The following SIPA1L3 variants were observed in gnomAD, a reference collection of about 807,000 sequenced individuals.
SIPA1L3 encodes signal-induced proliferation-associated 1-like protein 3.
Under a neutral mutation model 150.1 loss-of-function variants are expected in SIPA1L3, and 59 were observed. The observed-to-expected ratio is 0.39, with a 90% confidence interval of 0.32 to 0.49. The LOEUF (loss-of-function observed/expected upper bound fraction) is 0.49. SIPA1L3 is among the 20% of genes least tolerant of loss of function. The probability of loss-of-function intolerance (pLI) is 0.86; values close to 1 mark genes in which losing one functional copy is unlikely to be tolerated. For missense variants in SIPA1L3, 2,211 were observed against 2,489.5 expected, an observed-to-expected ratio of 0.89 and a Z score of 2.38; for synonymous variants, 1,070 against 1,077.6, an observed-to-expected ratio of 0.99 and a Z score of 0.14.
intron 15 of SIPA1L3, among the ~76,000 whole-genome samples, chr19:38,167,784 C>T (rs1972242850): frequency 6.6e-6 from 1 of 152,066 alleles, no homozygotes; most frequent in Non-Finnish European, 1.5e-5. Flanking sequence ...AGGTTGGTCT[C>T]GAACTCCTGG....
chr19:37,955,600 A>T (rs1371040980), intron 1 of SIPA1L3, among the ~76,000 whole-genome samples: 1 of 152,156 alleles, frequency 6.6e-6, no homozygotes, highest in African/African-American at 2.4e-5. Context: ...TTTCCTGAAC[A>T]TTTCAAATAC....
chr19:38,169,151 G>A (rs1219877761), intron 15 of SIPA1L3, among the ~76,000 whole-genome samples: 1 of 152,162 alleles, frequency 6.6e-6, no homozygotes, highest in Non-Finnish European at 1.5e-5. Flanking sequence ...CACTCTGGGA[G>A]GCCAAGGCAG....
chr19:37,951,056 C>T (rs981120819), intron 1 of SIPA1L3, among the ~76,000 whole-genome samples: 6 of 152,238 alleles, frequency 3.9e-5, no homozygotes, highest in Admixed American at 6.5e-5. Context: ...TCCTCCATCC[C>T]GTCCGTTCAC....
intron 1 of SIPA1L3, among the ~76,000 whole-genome samples, chr19:37,914,944 T>A (rs1846095848): frequency 6.6e-6 from 1 of 152,134 alleles, no homozygotes; most frequent in African/African-American, 2.4e-5. Flanking sequence ...TCAAACTCAT[T>A]TTACAGATGA....
intron 1 of SIPA1L3, among the ~76,000 whole-genome samples, chr19:37,958,744 TA>T (rs1298093418): frequency 2.0e-5 from 3 of 152,060 alleles, no homozygotes; most frequent in Non-Finnish European, 4.4e-5. Context: ...ATCAAGAACA[TA>T]AAAAGACAAA....
chr19:38,056,894 C>CA (rs1969329636), intron 2 of SIPA1L3, among the ~76,000 whole-genome samples: 1 of 152,076 alleles, frequency 6.6e-6, no homozygotes, highest in South Asian at 2.1e-4. Flanking sequence ...CTCCTCTCTA[C>CA]AAAAAATTTA....
Position 38,193,648 on chromosome 19 carries a change from G to A in SIPA1L3, c.4708G>A (p.Asp1570Asn), listed in dbSNP as rs761129772. The change falls in exon 18 of 22, where the codon GAC (aspartate) becomes AAC (asparagine). Residue 1570 changes from aspartate to asparagine, a missense_variant. Physicochemically the swap from Asp to Asn is conservative, Grantham distance 23. Transcript: ENST00000222345. ...PAGLEPGLPS[D>N]VLFTSTCAFP... Reference sequence around the variant, plus strand: ...TGGCCTAGAGCCAGGGCTGCCCAGCGACGTGCTCTTCACCAGCACCTGCGC... The same window carrying A: ...TGGCCTAGAGCCAGGGCTGCCCAGCAACGTGCTCTTCACCAGCACCTGCGC... The A allele has an allele frequency of 3.2e-6, 5 of 1,579,064 alleles. No homozygotes were observed. The highest frequency in any genetic ancestry group is 1.8e-4 in the Middle Eastern group (1 of 5,578).
intron 10 of SIPA1L3, among the ~76,000 whole-genome samples, chr19:38,140,361 C>A (rs980119265): frequency 6.6e-6 from 1 of 150,994 alleles, no homozygotes; most frequent in African/African-American, 2.4e-5. Context: ...AGTCACAGGT[C>A]TCTCTGCATC....
chr19:37,927,706 C>T (rs1203625733), intron 1 of SIPA1L3, among the ~76,000 whole-genome samples: 1 of 147,344 alleles, frequency 6.8e-6, no homozygotes, highest in African/African-American at 2.5e-5. Flanking sequence ...CAATGTTTAG[C>T]TCTCACTTGT....
intron 12 of SIPA1L3, among the ~76,000 whole-genome samples, chr19:38,151,579 C>T (rs1384415374): frequency 6.6e-6 from 1 of 152,178 alleles, no homozygotes; most frequent in Non-Finnish European, 1.5e-5. Context: ...CAACCTCAGA[C>T]AGGGAGAAGA....
intron 17 of SIPA1L3, among the ~76,000 whole-genome samples, chr19:38,193,009 T>C (rs544872276): frequency 6.6e-6 from 1 of 151,128 alleles, no homozygotes; most frequent in African/African-American, 2.4e-5. Flanking sequence ...GGTTGGGGAG[T>C]GGGAGTCCCT....
chr19:38,005,039 A>ACCGGAGGATGTCTCCCT (rs1967906669), intron 1 of SIPA1L3, among the ~76,000 whole-genome samples: 1 of 151,970 alleles, frequency 6.6e-6, no homozygotes, highest in Non-Finnish European at 1.5e-5. Context: ...CTCCGGACTA[A>ACCGGAGGATGTCTCCCT]CCGGGGCCGA....
chr19:38,155,461 C>T (rs1458244296), intron 13 of SIPA1L3, among the ~76,000 whole-genome samples: 1 of 152,138 alleles, frequency 6.6e-6, no homozygotes, highest in Non-Finnish European at 1.5e-5. Context: ...ATGTGTCTTC[C>T]CCATTATTAA....
chr19:37,984,226 A>G (rs1203490906), intron 1 of SIPA1L3, among the ~76,000 whole-genome samples: 1 of 152,212 alleles, frequency 6.6e-6, no homozygotes, highest in Non-Finnish European at 1.5e-5. Context: ...AAGTAACACC[A>G]AGCACAGTCA....
In SIPA1L3 at chr19:38,182,648, C is replaced by T; in HGVS notation, c.4338C>T (p.Phe1446=). Residue 1446 remains phenylalanine, a synonymous_variant, in exon 16 of 22, where the codon TTC becomes TTT. Transcript: ENST00000222345. ...CCGCCTCCGTCCCCAAGTCCTTCTTCTCCAAGCAGCCTGTACGCAATAAGC... is the reference window on the plus strand; with the variant it reads ...CCGCCTCCGTCCCCAAGTCCTTCTTTTCCAAGCAGCCTGTACGCAATAAGC... ...QLSASVPKSF[F]SKQPVRNKHP... is the part of the protein sequence containing the mutation. The T allele has an allele frequency of 6.2e-7, 1 of 1,614,220 alleles. No homozygotes were observed. Among genetic ancestry groups the T allele is most frequent in the Non-Finnish European group, 8.5e-7 (1 of 1,180,020 alleles).
At chr19:37,922,633 T>A (rs781726170) in intron 1 of SIPA1L3, among the ~76,000 whole-genome samples, 13 of 151,290 alleles carry the variant, frequency 8.6e-5, no homozygotes, top group Non-Finnish European at 1.8e-4. Context: ...GACCTCTTGA[T>A]CAGCCTGCCT....
chr19:38,082,914 G>T lies in SIPA1L3; in HGVS notation c.1349G>T (p.Gly450Val), dbSNP rs1311297605. Residue 450 changes from glycine (G) to valine (V), a missense_variant, in exon 3 of 22, where the codon GGC becomes GTC. Around this residue, in one of 5 missense-constraint regions of SIPA1L3, gnomAD observed 587 missense variants for 534.5 expected, o/e 1.10. Transcript: ENST00000222345. ...RNVSFSRASV[G>V]SPSSGEGHLA... ...GTGAGCTTCTCCCGGGCTTCCGTGGGCTCCCCGAGCAGCGGCGAGGGCCAC... is the reference window on the plus strand; with the variant it reads ...GTGAGCTTCTCCCGGGCTTCCGTGGTCTCCCCGAGCAGCGGCGAGGGCCAC... The T allele has an allele frequency of 3.1e-6, 5 of 1,613,032 alleles. No homozygotes were observed. In the East Asian group the frequency reaches 6.7e-5, roughly 22 times the overall value.
At position 38,193,796 on chromosome 19, in the gene SIPA1L3, C is replaced by T. The variant is rs1275667947; in HGVS notation, c.4840+16C>T. 3 of 1,551,316 alleles carry T rather than the reference C, an allele frequency of 1.9e-6. No homozygotes were observed. In the Admixed American group the frequency reaches 5.6e-5, roughly 29 times the overall value. On this transcript the variant is annotated intron_variant, in intron 18 of 21. Transcript: ENST00000222345. ...GAGAAGAAATGTGAGCCTGGGCCCCCTGGGACTGGCGCGGTAGTTACCCCA... is the reference window on the plus strand; with the variant it reads ...GAGAAGAAATGTGAGCCTGGGCCCCTTGGGACTGGCGCGGTAGTTACCCCA...
At chr19:38,182,397 T>C (rs1232610806) in intron 15 of SIPA1L3, 122 bp from the exon 16 acceptor site, 17 of 746,084 alleles carry the variant, frequency 2.3e-5, no homozygotes, top group African/African-American at 5.2e-5. Context: ...AGCGGTAATA[T>C]ATTTGTGTCT....
Sources: gnomAD v4.1 joint callset for allele counts (sites outside exome capture counted in the v4.1 genomes callset) on GRCh38, gnomAD v4.1.1 for gene constraint, gnomAD v4.1.1 regional missense constraint, MANE v1.5 for transcripts, NCBI Gene and HGNC (gene_info 2026-07-23, HGNC 2026-07-21) for gene names.